C8orf34: variants seen among roughly 807,000 people sequenced by gnomAD.
The protein encoded by C8orf34 is chromosome 8 open reading frame 34.
In C8orf34, 65 loss-of-function variants were observed where a neutral mutation model predicts 68.3. The observed-to-expected ratio is 0.95, with a 90% CI of 0.78 to 1.17. The LOEUF (loss-of-function observed/expected upper bound fraction) is 1.17, where lower values mean the gene tolerates loss of function less well. C8orf34 is among the 50% of genes most tolerant of loss of function. C8orf34 has a pLI of 0.00. For synonymous variants in C8orf34, 244 were observed against 241.2 expected (o/e 1.01, Z -0.11); for missense variants, 664 against 655.4 (o/e 1.01, Z -0.14).
intron 7 of C8orf34, 34 bp from the exon 8 acceptor site, chr8:68,640,342 A>G: frequency 2.5e-6 from 4 of 1,598,378 alleles, no homozygotes; most frequent in Non-Finnish European, 3.4e-6. Context: ...ACTAGAGTTA[A>G]TTTTTTTCTC....
chr8:68,702,105 G>A lies in C8orf34; in HGVS notation c.1242-6889G>A, dbSNP rs540213175. 2.0e-5 allele frequency among the ~76,000 whole-genome samples: 3 copies of A among 151,928 alleles called. No individual in the cohort carries two copies. In the South Asian group the frequency reaches 6.2e-4, roughly 32 times the overall value. ...CTGATTCTGTATATTTTACTTGTTT[G>A]TTCATCATCTCCAGTCGGCATAATG... On this transcript the variant is annotated intron_variant, in intron 8 of 13. Coordinates refer to ENST00000518698, the MANE Select transcript of C8orf34 (RefSeq NM_052958.4).
At chr8:68,383,137 T>C (rs1027420529) in intron 1 of C8orf34, among the ~76,000 whole-genome samples, 1 of 152,174 alleles carries the variant, frequency 6.6e-6, no homozygotes, top group Non-Finnish European at 1.5e-5. Context: ...TCATCCTAGG[T>C]CCAGCACACA....
At chr8:68,540,265 T>C (rs746563436) in intron 7 of C8orf34, among the ~76,000 whole-genome samples, 4 of 151,396 alleles carry the variant, frequency 2.6e-5, no homozygotes, top group Non-Finnish European at 5.9e-5. Context: ...TTTTGGTTTA[T>C]GTCTGCAAAA....
At chr8:68,527,281 T>G (rs1007414320) in intron 6 of C8orf34, among the ~76,000 whole-genome samples, 1 of 152,154 alleles carries the variant, frequency 6.6e-6, no homozygotes, top group East Asian at 1.9e-4. Flanking sequence ...AAAACACTAT[T>G]ATTCAGAAAT....
intron 3 of C8orf34, among the ~76,000 whole-genome samples, chr8:68,466,837 A>G (rs1563463776): frequency 6.7e-6 from 1 of 149,912 alleles, no homozygotes; most frequent in African/African-American, 2.5e-5. Flanking sequence ...TGCATTTTTC[A>G]TCATAATAGA....
intron 8 of C8orf34, among the ~76,000 whole-genome samples, chr8:68,676,955 A>C (rs569034521): frequency 6.6e-6 from 1 of 152,152 alleles, no homozygotes; most frequent in South Asian, 2.1e-4. Flanking sequence ...ATTCACTATC[A>C]TGAGAAGAGC....
chr8:68,603,141 TTTG>T (rs148291265), intron 7 of C8orf34, among the ~76,000 whole-genome samples: 2 of 151,174 alleles, frequency 1.3e-5, no homozygotes, highest in African/African-American at 4.9e-5. Flanking sequence ...ATGTCCAGGG[TTTG>T]TTGTTGTTGT....
rs953203427 is a variant in C8orf34 at position 68,409,000 on chromosome 8, C to G, written c.328-30499C>G. Reference sequence around the variant, plus strand: ...GACGCGGTTTCACCATGTTGGCCAGCCTGATCTTGAACTCCTGACCTCATG... The same window carrying G: ...GACGCGGTTTCACCATGTTGGCCAGGCTGATCTTGAACTCCTGACCTCATG... On this transcript the variant is annotated intron_variant, in intron 1 of 13. Coordinates refer to ENST00000518698, the MANE Select transcript of C8orf34 (RefSeq NM_052958.4). Among the ~76,000 whole-genome samples the G allele has an allele frequency of 5.3e-5, 8 of 152,112 alleles. No individual in the cohort carries two copies. In the South Asian group the frequency reaches 1.7e-3, roughly 32 times the overall value.
chr8:68,491,239 A>T (rs2129631847), intron 5 of C8orf34, among the ~76,000 whole-genome samples: 1 of 151,888 alleles, frequency 6.6e-6, no homozygotes, highest in African/African-American at 2.4e-5. Flanking sequence ...ATTATTTTTT[A>T]AGCTTTTTTT....
At chr8:68,785,294 T>C (rs1401101196) in intron 11 of C8orf34, among the ~76,000 whole-genome samples, 2 of 152,208 alleles carry the variant, frequency 1.3e-5, no homozygotes, top group Non-Finnish European at 1.5e-5. Flanking sequence ...AAACACAAAT[T>C]CATACCGACG....
intron 8 of C8orf34, among the ~76,000 whole-genome samples, chr8:68,696,055 T>A (rs1376609492): frequency 6.6e-6 from 1 of 151,724 alleles, no homozygotes; most frequent in African/African-American, 2.4e-5. Flanking sequence ...TATTCCCAGC[T>A]ACCAAAAGGC....
chr8:68,652,719 C>T (rs1819398809), intron 8 of C8orf34, among the ~76,000 whole-genome samples: 1 of 152,118 alleles, frequency 6.6e-6, no homozygotes, highest in Non-Finnish European at 1.5e-5. Context: ...TCAGGTTTAT[C>T]TTAAGTGCTT....
At position 68,443,437 on chromosome 8, in the gene C8orf34, C is replaced by A. The variant is rs1460735515; in HGVS notation, c.476-2892C>A. On this transcript the variant is annotated intron_variant, in intron 2 of 13. Transcript: ENST00000518698. ...TTGAGATGGAGTCTCGCTCTGTCAC[C>A]AGGCTGGAGTGCAGTGGCATGATCT... is the stretch of plus-strand genomic sequence containing the variant. Among the ~76,000 whole-genome samples, 4 of 152,132 alleles carry A rather than the reference C, an allele frequency of 2.6e-5. No individual in the cohort carries two copies. The East Asian group carries it at 7.7e-4, about 29-fold the overall frequency.
At chr8:68,551,253 C>G (rs1816059950) in intron 7 of C8orf34, among the ~76,000 whole-genome samples, 1 of 151,856 alleles carries the variant, frequency 6.6e-6, no homozygotes, top group Non-Finnish European at 1.5e-5. Flanking sequence ...TTGACATAAT[C>G]TGAAGCTCAG....
intron 9 of C8orf34, among the ~76,000 whole-genome samples, chr8:68,715,577 C>T (rs999280514): frequency 6.6e-6 from 1 of 151,822 alleles, no homozygotes; most frequent in African/African-American, 2.4e-5. Flanking sequence ...AATGTGATAC[C>T]ACCTCACTCC....
chr8:68,581,718 C>T (rs1014104951), intron 7 of C8orf34, among the ~76,000 whole-genome samples: 9 of 152,092 alleles, frequency 5.9e-5, no homozygotes, highest in African/African-American at 1.9e-4. Flanking sequence ...CAAAGCTGGT[C>T]GCAGGCAGTG....
chr8:68,331,170 C>T lies in C8orf34; in HGVS notation c.158C>T (p.Ser53Phe), dbSNP rs1490286630. Reference sequence around the variant, plus strand: ...GCAGGGCAGCCGAGGCTCCGGAGCTCCTGTCCCGGCCCCAGTCCGGGTAAA... The same window carrying T: ...GCAGGGCAGCCGAGGCTCCGGAGCTTCTGTCCCGGCCCCAGTCCGGGTAAA... ...SHAGQPRLRS[S>F]CPGPSPGKRR... Residue 53 changes from serine to phenylalanine, a missense_variant, in exon 1 of 14, where the codon TCC becomes TTC. Physicochemically the swap from Ser to Phe is radical, Grantham distance 155. Coordinates refer to ENST00000518698, the MANE Select transcript of C8orf34 (RefSeq NM_052958.4). The T allele has an allele frequency of 6.5e-6, 10 of 1,531,582 alleles. No homozygotes were observed. Among genetic ancestry groups the T allele is most frequent in the Non-Finnish European group, 7.9e-6 (9 of 1,143,540 alleles). The allele number at this position is 1,531,582 out of a possible 1,614,324, so 94.9% of individuals were successfully genotyped here. A position where few individuals can be genotyped will look rare whatever the true frequency, so the allele number is the denominator to read the frequency against.
At chr8:68,630,063 A>C (rs1404265629) in intron 7 of C8orf34, among the ~76,000 whole-genome samples, 3 of 152,118 alleles carry the variant, frequency 2.0e-5, no homozygotes, top group Non-Finnish European at 2.9e-5. Flanking sequence ...ATTTAGTATA[A>C]AGCAATAGAA....
intron 3 of C8orf34, among the ~76,000 whole-genome samples, chr8:68,462,597 G>T (rs112548531): frequency 1.3e-5 from 2 of 151,770 alleles, no homozygotes; most frequent in African/African-American, 2.4e-5. Flanking sequence ...CTGTCTCTCA[G>T]ACCACAGTGC....
Sources: gnomAD v4.1 joint callset for allele counts (sites outside exome capture counted in the v4.1 genomes callset) on GRCh38, gnomAD v4.1.1 for gene constraint, MANE v1.5 for transcripts, NCBI Gene and HGNC (gene_info 2026-07-23, HGNC 2026-07-21) for gene names.